Variants in QKI observed in about 807,000 individuals in gnomAD.
QKI encodes QKI, KH domain containing RNA binding.
QKI carries 10 observed loss-of-function variants against 39.0 expected under a neutral mutation model. The observed-to-expected ratio is 0.26, with a 90% CI of 0.16 to 0.43. The LOEUF is 0.43. Ranked by LOEUF, QKI falls within the 20% of genes least tolerant of loss-of-function variation. QKI has a pLI of 1.00. For synonymous variants in QKI, 204 were observed against 155.4 expected (o/e 1.31, Z -2.33); for missense variants, 218 against 428.0 (o/e 0.51, Z 4.33).
intron 1 of QKI, among the ~76,000 whole-genome samples, chr6:163,420,451 C>G (rs1787908552): frequency 6.6e-6 from 1 of 152,086 alleles, no homozygotes; most frequent in Non-Finnish European, 1.5e-5. Context: ...GAGCAACTTT[C>G]TGCTATTGGT....
At chr6:163,564,164 A>G in intron 6 of QKI, 1 of 1,022,432 alleles carries the variant, frequency 9.8e-7, no homozygotes, top group African/African-American at 1.7e-5. Context: ...TAAAATTCAT[A>G]TTATTGTGTG....
intron 1 of QKI, among the ~76,000 whole-genome samples, chr6:163,416,646 C>T (rs537062902): frequency 3.9e-5 from 6 of 152,090 alleles, no homozygotes; most frequent in African/African-American, 4.8e-5. Flanking sequence ...AAAGAAAAAT[C>T]CCAGGAGTTC....
At chr6:163,508,861 G>A (rs1055817682) in intron 3 of QKI, among the ~76,000 whole-genome samples, 6 of 151,800 alleles carry the variant, frequency 4.0e-5, no homozygotes, top group Non-Finnish European at 7.4e-5. Flanking sequence ...TTTACTGGCC[G>A]GGCACGGTGG....
chr6:163,453,841 A>G (rs1220198886), intron 1 of QKI, among the ~76,000 whole-genome samples: 3 of 152,202 alleles, frequency 2.0e-5, no homozygotes, highest in South Asian at 4.1e-4. Context: ...GTATCACTGA[A>G]GCAGAAAATG....
At chr6:163,461,668 A>C (rs1791361510) in intron 2 of QKI, among the ~76,000 whole-genome samples, 1 of 152,196 alleles carries the variant, frequency 6.6e-6, no homozygotes, top group Admixed American at 6.5e-5. Context: ...GAAATCGAGG[A>C]GAAATCTGCT....
chr6:163,504,933 A>T (rs1453892458), intron 3 of QKI, among the ~76,000 whole-genome samples: 4 of 152,198 alleles, frequency 2.6e-5, no homozygotes, highest in Non-Finnish European at 4.4e-5. Context: ...AACCCATTTT[A>T]AAAACACTGC....
chr6:163,442,249 T>C (rs1789815102), intron 1 of QKI, among the ~76,000 whole-genome samples: 1 of 152,232 alleles, frequency 6.6e-6, no homozygotes, highest in Admixed American at 6.5e-5. Flanking sequence ...TTCTGTAAAA[T>C]GTGCATTTTT....
intron 1 of QKI, chr6:163,423,545 A>G (rs189858734): frequency 1.3e-5 from 2 of 152,308 alleles, no homozygotes; most frequent in East Asian, 1.9e-4. Context: ...AAAACCTGGA[A>G]TATTTCCATA....
chr6:163,418,473 TTTTTG>T (rs1013631532), intron 1 of QKI, among the ~76,000 whole-genome samples: 6 of 152,094 alleles, frequency 3.9e-5, no homozygotes, highest in African/African-American at 7.2e-5. Flanking sequence ...TTACTGCTTG[TTTTTG>T]TTTTGTTTTG....
intron 2 of QKI, among the ~76,000 whole-genome samples, chr6:163,466,789 TATAA>T (rs1466726951): frequency 6.6e-6 from 1 of 151,988 alleles, no homozygotes; most frequent in Non-Finnish European, 1.5e-5. Flanking sequence ...AACACTGAAT[TATAA>T]AGGTATTTGA....
chr6:163,439,360 G>T (rs1475272196), intron 1 of QKI, among the ~76,000 whole-genome samples: 1 of 147,924 alleles, frequency 6.8e-6, no homozygotes, highest in Non-Finnish European at 1.5e-5. Context: ...TTTTTCGGGG[G>T]GGTGGGGGAC....
intron 1 of QKI, among the ~76,000 whole-genome samples, chr6:163,425,524 T>G (rs753006254): frequency 6.6e-6 from 1 of 152,204 alleles, no homozygotes; most frequent in East Asian, 1.9e-4. Context: ...AAAGTAGACA[T>G]TGGATGAAGT....
chr6:163,561,481 G>A (rs948718402), intron 4 of QKI, among the ~76,000 whole-genome samples: 1 of 152,106 alleles, frequency 6.6e-6, no homozygotes, highest in Non-Finnish European at 1.5e-5. Context: ...GGTGGCGCGT[G>A]CCTCTAGTCG....
chr6:163,564,913 A>G (rs1783259069), intron 6 of QKI: 2 of 1,363,096 alleles, frequency 1.5e-6, no homozygotes, highest in Non-Finnish European at 1.9e-6. Flanking sequence ...CCCAGCATTA[A>G]TATTGATTTA....
intron 1 of QKI, among the ~76,000 whole-genome samples, chr6:163,438,768 C>T (rs1225628092): frequency 6.6e-6 from 1 of 151,794 alleles, no homozygotes; most frequent in Admixed American, 6.6e-5. Flanking sequence ...TGTGAAAGTC[C>T]TAGGATACTA....
intron 1 of QKI, among the ~76,000 whole-genome samples, chr6:163,433,918 TGTCTG>T (rs766800089): frequency 6.6e-6 from 1 of 152,236 alleles, no homozygotes; most frequent in African/African-American, 2.4e-5. Flanking sequence ...AAATAATACT[TGTCTG>T]TACTGCCTGT....
intron 2 of QKI, among the ~76,000 whole-genome samples, chr6:163,476,817 A>C (rs894316063): frequency 2.6e-5 from 4 of 152,176 alleles, no homozygotes; most frequent in African/African-American, 9.7e-5. Flanking sequence ...GGTTTTAAGC[A>C]AAGGATTTGT....
chr6:163,531,257 C>T (rs993651389), intron 3 of QKI, among the ~76,000 whole-genome samples: 2 of 152,212 alleles, frequency 1.3e-5, no homozygotes, highest in East Asian at 1.9e-4. Flanking sequence ...TTCCCTTGCT[C>T]TGCATTTGGA....
chr6:163,505,630 C>G (rs2128233274), intron 3 of QKI, among the ~76,000 whole-genome samples: 1 of 152,222 alleles, frequency 6.6e-6, no homozygotes, highest in South Asian at 2.1e-4. Flanking sequence ...GCCAATTTCT[C>G]CCATTTGGAA....
Sources: gnomAD v4.1 joint callset for allele counts (sites outside exome capture counted in the v4.1 genomes callset) on GRCh38, gnomAD v4.1.1 for gene constraint, MANE v1.5 for transcripts, NCBI Gene and HGNC (gene_info 2026-07-23, HGNC 2026-07-21) for gene names.